AUH: variants seen among roughly 807,000 people sequenced by gnomAD.
The protein encoded by AUH is AU RNA binding methylglutaconyl-CoA hydratase.
In AUH, 29 loss-of-function variants were observed where a neutral mutation model predicts 42.3. The ratio of observed to expected loss-of-function variants is 0.69; its 90% CI spans 0.51 to 0.93. The LOEUF (loss-of-function observed/expected upper bound fraction) is 0.93, where lower values mean the gene tolerates loss of function less well. Ranked by LOEUF, AUH falls within the 40% of genes least tolerant of loss-of-function variation. The pLI is 0.00. For synonymous variants in AUH, 174 were observed against 166.4 expected, an observed-to-expected ratio of 1.05 and a Z score of -0.35; for missense variants, 452 against 438.1, an observed-to-expected ratio of 1.03 and a Z score of -0.28.
chr9:91,278,261 C>T (rs1302607199), intron 6 of AUH, among the ~76,000 whole-genome samples: 1 of 152,184 alleles, frequency 6.6e-6, no homozygotes, highest in Non-Finnish European at 1.5e-5. Flanking sequence ...GAAAGCAAGA[C>T]ACACAAATAT....
At chr9:91,335,856 T>C (rs916216289) in intron 3 of AUH, among the ~76,000 whole-genome samples, 5 of 152,244 alleles carry the variant, frequency 3.3e-5, no homozygotes, top group African/African-American at 1.2e-4. Flanking sequence ...GGTGACAGAA[T>C]GTGGTCTGAT....
intron 6 of AUH, among the ~76,000 whole-genome samples, chr9:91,280,034 G>GT (rs1825843037): frequency 6.6e-6 from 1 of 152,150 alleles, no homozygotes; most frequent in South Asian, 2.1e-4. Context: ...CTCTCTGATG[G>GT]TAAGTCCAAA....
At chr9:91,258,311 C>T (rs1284620476) in intron 6 of AUH, among the ~76,000 whole-genome samples, 2 of 151,944 alleles carry the variant, frequency 1.3e-5, no homozygotes, top group Non-Finnish European at 2.9e-5. Context: ...TCTCGGCTCA[C>T]TGCAAACCTC....
At chr9:91,245,358 A>G (rs1828738456) in intron 6 of AUH, among the ~76,000 whole-genome samples, 1 of 152,198 alleles carries the variant, frequency 6.6e-6, no homozygotes, top group Non-Finnish European at 1.5e-5. Context: ...AGCCAATGAA[A>G]AGTTTTAAAA....
At chr9:91,282,945 T>C (rs376187562) in intron 6 of AUH, among the ~76,000 whole-genome samples, 273 of 152,226 alleles carry the variant, frequency 1.8e-3, no homozygotes, top group African/African-American at 5.5e-3. Flanking sequence ...AGAGGGAATC[T>C]TCCCTAACTC....
chr9:91,265,950 T>C (rs1013307580), intron 6 of AUH, among the ~76,000 whole-genome samples: 1 of 152,208 alleles, frequency 6.6e-6, no homozygotes, highest in African/African-American at 2.4e-5. Flanking sequence ...ACCTTTTTTT[T>C]TCTCTTTTAT....
chr9:91,323,662 A>G (rs1829760587), intron 4 of AUH, among the ~76,000 whole-genome samples: 3 of 152,102 alleles, frequency 2.0e-5, no homozygotes, highest in African/African-American at 7.2e-5. Flanking sequence ...ACAGACTATA[A>G]TAACAAGACT....
chr9:91,289,886 G>C (rs117325091), intron 6 of AUH, among the ~76,000 whole-genome samples: 1 of 152,024 alleles, frequency 6.6e-6, no homozygotes, highest in Non-Finnish European at 1.5e-5. Flanking sequence ...TGTTTCAAAA[G>C]AACAGGCATC....
At chr9:91,221,796 G>A (rs1038824249) in intron 6 of AUH, among the ~76,000 whole-genome samples, 1 of 152,176 alleles carries the variant, frequency 6.6e-6, no homozygotes, top group African/African-American at 2.4e-5. Context: ...TGCTTATTTT[G>A]TTGAAGATAG....
At chr9:91,225,658 G>C (rs906987575) in intron 6 of AUH, among the ~76,000 whole-genome samples, 1 of 150,382 alleles carries the variant, frequency 6.6e-6, no homozygotes, top group Non-Finnish European at 1.5e-5. Flanking sequence ...CCACTAACTC[G>C]TCATCTAGCA....
intron 6 of AUH, among the ~76,000 whole-genome samples, chr9:91,232,579 G>A (rs1334368693): frequency 1.3e-5 from 2 of 152,106 alleles, no homozygotes; most frequent in African/African-American, 4.8e-5. Context: ...GTGAAGTTTC[G>A]TGTACCTACA....
chr9:91,316,731 T>C (rs2131807078), intron 4 of AUH, among the ~76,000 whole-genome samples: 2 of 152,372 alleles, frequency 1.3e-5, no homozygotes, highest in South Asian at 4.1e-4. Flanking sequence ...AGGCTGTACA[T>C]ATGTATGCAT....
chr9:91,331,590 T>C (rs951890243), intron 3 of AUH, among the ~76,000 whole-genome samples: 2 of 152,238 alleles, frequency 1.3e-5, no homozygotes, highest in African/African-American at 2.4e-5. Context: ...TGGAAATGTA[T>C]AATACACTAA....
At chr9:91,273,719 A>C (rs1825336622) in intron 6 of AUH, among the ~76,000 whole-genome samples, 1 of 152,206 alleles carries the variant, frequency 6.6e-6, no homozygotes, top group Non-Finnish European at 1.5e-5. Context: ...AAATCAGTAA[A>C]AAATAATTAC....
chr9:91,272,063 T>A (rs1825181447), intron 6 of AUH, among the ~76,000 whole-genome samples: 1 of 152,014 alleles, frequency 6.6e-6, no homozygotes, highest in African/African-American at 2.4e-5. Flanking sequence ...CATCAAATGC[T>A]TTTGTATGTT....
chr9:91,279,513 G>A (rs908523430), intron 6 of AUH, among the ~76,000 whole-genome samples: 1 of 152,162 alleles, frequency 6.6e-6, no homozygotes, highest in Admixed American at 6.5e-5. Flanking sequence ...TCTGGTGAGG[G>A]CCTCAAGAAG....
intron 6 of AUH, among the ~76,000 whole-genome samples, chr9:91,277,570 T>C (rs960988053): frequency 1.2e-4 from 19 of 152,100 alleles, no homozygotes; most frequent in African/African-American, 4.6e-4. Flanking sequence ...AATATAATAA[T>C]TTTAGGGAAA....
At chr9:91,227,229 G>A (rs1827556322) in intron 6 of AUH, among the ~76,000 whole-genome samples, 1 of 150,092 alleles carries the variant, frequency 6.7e-6, no homozygotes, top group South Asian at 2.2e-4. Context: ...TTATTTCCTT[G>A]AGCAGCGGTT....
At chr9:91,234,352 C>T (rs1828057502) in intron 6 of AUH, among the ~76,000 whole-genome samples, 1 of 152,154 alleles carries the variant, frequency 6.6e-6, no homozygotes, top group African/African-American at 2.4e-5. Flanking sequence ...ACAAAGAGCA[C>T]AGGGCAGTGA....
Sources: allele counts gnomAD v4.1 joint callset (sites outside exome capture counted in the v4.1 genomes callset), GRCh38; gene constraint gnomAD v4.1.1; transcripts MANE v1.5; gene names NCBI Gene and HGNC (gene_info 2026-07-23, HGNC 2026-07-21).